The following ITIH5 variants were observed in gnomAD, a reference collection of about 807,000 sequenced individuals.
ITIH5 encodes inter-alpha-trypsin inhibitor heavy chain H5.
Under a neutral mutation model 77.5 loss-of-function variants are expected in ITIH5, and 65 were observed. That is an observed-to-expected ratio of 0.84 (90% CI 0.69 to 1.03). The LOEUF (loss-of-function observed/expected upper bound fraction) is 1.03. Ranked by LOEUF, ITIH5 falls within the 50% of genes least tolerant of loss-of-function variation. The probability of loss-of-function intolerance (pLI) is 0.00; values close to 1 mark genes in which losing one functional copy is unlikely to be tolerated. For synonymous variants in ITIH5, 525 were observed against 494.3 expected (o/e 1.06, Z -0.82); for missense variants, 1,208 against 1,213.1 (o/e 1.00, Z 0.06).
At chr10:7,645,332 A>C (rs761398522) in intron 2 of ITIH5, among the ~76,000 whole-genome samples, 4 of 152,264 alleles carry the variant, frequency 2.6e-5, no homozygotes, top group Non-Finnish European at 4.4e-5. Context: ...AGAAGGAATT[A>C]TTTCAAAGTA....
chr10:7,666,575 T>C (rs1203844298), intron 1 of ITIH5, among the ~76,000 whole-genome samples: 1 of 152,008 alleles, frequency 6.6e-6, no homozygotes, highest in Non-Finnish European at 1.5e-5. Context: ...AAAACTCGGC[T>C]CCGCAGGACA....
chr10:7,589,437 C>G (rs145845974), intron 7 of ITIH5, among the ~76,000 whole-genome samples: 1 of 151,994 alleles, frequency 6.6e-6, no homozygotes, highest in South Asian at 2.1e-4. Flanking sequence ...CCAGCCTGGG[C>G]GACAGAGCGA....
chr10:7,595,528 T>C (rs1200509329), intron 7 of ITIH5, among the ~76,000 whole-genome samples: 1 of 152,212 alleles, frequency 6.6e-6, no homozygotes, highest in Non-Finnish European at 1.5e-5. Flanking sequence ...CTCTGTTTAA[T>C]ACTATTTTAT....
intron 7 of ITIH5, among the ~76,000 whole-genome samples, chr10:7,610,469 A>G (rs755015802): frequency 1.3e-5 from 2 of 152,212 alleles, no homozygotes; most frequent in Non-Finnish European, 1.5e-5. Context: ...TGTGTCCTAC[A>G]TTGCAATAAA....
chr10:7,617,473 C>G (rs1184204075), intron 5 of ITIH5, 191 bp from the exon 6 acceptor site: 1 of 410,664 alleles, frequency 2.4e-6, no homozygotes, highest in Non-Finnish European at 4.2e-6. Context: ...TCTTATGCCT[C>G]TTTTTGAACC....
chr10:7,612,100 C>T (rs1833258200), intron 7 of ITIH5, among the ~76,000 whole-genome samples: 1 of 152,002 alleles, frequency 6.6e-6, no homozygotes, highest in Non-Finnish European at 1.5e-5. Flanking sequence ...CCCAGTAATT[C>T]CAATTCTAAG....
At chr10:7,594,052 A>G (rs1832848309) in intron 7 of ITIH5, among the ~76,000 whole-genome samples, 1 of 152,270 alleles carries the variant, frequency 6.6e-6, no homozygotes, top group Non-Finnish European at 1.5e-5. Flanking sequence ...CTGAAGACGA[A>G]CTGAAATGCA....
chr10:7,666,744 G>T, intron 1 of ITIH5, 59 bp downstream of exon 1: 2 of 1,424,118 alleles, frequency 1.4e-6, no homozygotes, highest in Non-Finnish European at 1.9e-6. Context: ...CCGCGGCCGG[G>T]CCGGCGGAGG....
chr10:7,579,973 G>A lies in ITIH5; in HGVS notation c.1200C>T (p.Leu400=). The A allele has an allele frequency of 1.2e-6, 2 of 1,614,186 alleles. No individual in the cohort carries two copies. The highest frequency in any genetic ancestry group is 1.7e-5 in the Admixed American group (1 of 60,030). The change falls in exon 9 of 14, where the codon CTC becomes CTT. Residue 400 remains leucine (L), a synonymous_variant. Transcript: ENST00000397146. ...HSGIGDRSVS[L]IVFLTDGKPT... is the part of the protein sequence containing the mutation. ...GCTTCCCATCCGTCAGGAAGACGAT[G>A]AGGGACACGCTCCGGTCTCCAATGC...
intron 7 of ITIH5, among the ~76,000 whole-genome samples, chr10:7,604,862 G>GC (rs1185596814): frequency 1.3e-5 from 2 of 151,776 alleles, no homozygotes; most frequent in African/African-American, 4.8e-5. Context: ...AGTCTGTGTC[G>GC]CCAGGCTGGA....
chr10:7,582,491 A>C (rs1832586093), intron 8 of ITIH5, among the ~76,000 whole-genome samples: 2 of 152,108 alleles, frequency 1.3e-5, no homozygotes, highest in Non-Finnish European at 2.9e-5. Context: ...TAAAATCTAC[A>C]TACCAAAAGA....
chr10:7,579,977 G>T lies in ITIH5; in HGVS notation c.1196C>A (p.Ser399Tyr). 2 of 1,614,154 alleles carry T rather than the reference G, an allele frequency of 1.2e-6. No homozygotes were observed. The highest frequency in any genetic ancestry group is 1.7e-6 in the Non-Finnish European group (2 of 1,180,028). ...AHSGIGDRSV[S>Y]LIVFLTDGKP... ...CCCATCCGTCAGGAAGACGATGAGGGACACGCTCCGGTCTCCAATGCCACT... is the reference window on the plus strand; with the variant it reads ...CCCATCCGTCAGGAAGACGATGAGGTACACGCTCCGGTCTCCAATGCCACT... The change falls in exon 9 of 14, where the codon TCC becomes TAC. Residue 399 changes from serine to tyrosine, a missense_variant. Coordinates refer to ENST00000397146, the MANE Select transcript of ITIH5 (RefSeq NM_030569.7).
At position 7,585,946 on chromosome 10, in the gene ITIH5, T is replaced by C; in HGVS notation, c.1063A>G (p.Ile355Val). 6.2e-7 allele frequency: 1 copy of C among 1,614,084 alleles called. No homozygotes were observed. Among genetic ancestry groups the C allele is most frequent in the Non-Finnish European group, 8.5e-7 (1 of 1,179,986 alleles). The change falls in exon 8 of 14, where the codon ATC becomes GTC. Residue 355 changes from isoleucine to valine, a missense_variant. Transcript: ENST00000397146. The stretch of plus-strand genomic sequence containing the variant: ...TGAATGTACACTTTCCCATCCCTGA[T>C]GCTGTCTGGAGTGACTGATATCAAG... ...DHLISVTPDS[I>V]RDGKVYIHHM...
rs146565776 is a variant in ITIH5 at position 7,579,932 on chromosome 10, G to T, written c.1241C>A (p.Thr414Lys). 8.7e-6 allele frequency: 14 copies of T among 1,614,178 alleles called. No homozygotes were observed. The Admixed American group carries it at 2.0e-4, about 23-fold the overall frequency. ...LTDGKPTVGE[T>K]HTLKILNNTR... is the part of the protein sequence containing the mutation. ...GTTGTTGAGGATCTTGAGGGTGTGC[G>T]TCTCCCCGACCGTGGGCTTCCCATC... The change falls in exon 9 of 14, where the codon ACG (threonine) becomes AAG (lysine). Residue 414 changes from threonine (T) to lysine (K), a missense_variant. By Grantham distance (78) the Thr-to-Lys change is moderately conservative. Coordinates refer to ENST00000397146, the MANE Select transcript of ITIH5 (RefSeq NM_030569.7).
At position 7,579,767 on chromosome 10, in the gene ITIH5, G is replaced by A. The variant is rs35026350; in HGVS notation, c.1406C>T (p.Ser469Leu). The A allele has an allele frequency of 2.0e-3, 3,159 of 1,613,284 alleles. 39 individuals are homozygous for A. The African/African-American group carries it at 0.032, about 16-fold the overall frequency. Residue 469 changes from serine to leucine, a missense_variant, in exon 9 of 14, where the codon TCG becomes TTG. Ser to Leu is a moderately radical substitution (Grantham distance 145). Coordinates refer to ENST00000397146, the MANE Select transcript of ITIH5 (RefSeq NM_030569.7). ...ACAGACCACAGACCCGATGAGCTGC[G>A]AGCCTGCGTCCTCCTCCTCGTGCAC... ...RRVHEEEDAG[S>L]QLIGFYDEIR...
Position 7,569,884 on chromosome 10 carries a change from GA to G in ITIH5, c.2033-101del, listed in dbSNP as rs1696893228. On this transcript the variant is annotated intron_variant, in intron 11 of 13. Coordinates refer to ENST00000397146, the MANE Select transcript of ITIH5 (RefSeq NM_030569.7). ...CTATTTTCTCATGAATTATTTTATT[GA>G]ATCCTGAAAACTATTCTGGAAGGAG... 6.3e-6 allele frequency: 4 copies of G among 636,612 alleles called. No homozygotes were observed. The Admixed American group carries it at 1.1e-4, about 18-fold the overall frequency. 39.4% of individuals were successfully genotyped at this position (636,612 alleles called of 1,614,324 possible).
At chr10:7,586,795 G>A (rs1440738377) in intron 7 of ITIH5, among the ~76,000 whole-genome samples, 1 of 152,006 alleles carries the variant, frequency 6.6e-6, no homozygotes, top group Non-Finnish European at 1.5e-5. Flanking sequence ...TTGAGGATGA[G>A]ATTTAAAGAA....
At chr10:7,604,180 T>C (rs1214615651) in intron 7 of ITIH5, among the ~76,000 whole-genome samples, 1 of 152,186 alleles carries the variant, frequency 6.6e-6, no homozygotes, top group Non-Finnish European at 1.5e-5. Flanking sequence ...GTCCCATGGT[T>C]ATAAGGGAAG....
chr10:7,636,209 A>G (rs1325895934), intron 5 of ITIH5, among the ~76,000 whole-genome samples: 2 of 152,200 alleles, frequency 1.3e-5, no homozygotes, highest in Admixed American at 1.3e-4. Flanking sequence ...GATTAAAACT[A>G]GATTATACTG....
Sources: allele counts gnomAD v4.1 joint callset (sites outside exome capture counted in the v4.1 genomes callset), GRCh38; gene constraint gnomAD v4.1.1; transcripts MANE v1.5; gene names NCBI Gene and HGNC (gene_info 2026-07-23, HGNC 2026-07-21).